HS2ST1: variants seen among roughly 807,000 people sequenced by gnomAD.
HS2ST1 encodes the protein heparan sulfate 2-O-sulfotransferase 1, also known as 2-O-sulfotransferase.
A neutral mutation model predicts 42.9 loss-of-function variants in HS2ST1; 18 were observed. That is an observed-to-expected ratio of 0.42 (90% CI 0.29 to 0.62). The LOEUF (loss-of-function observed/expected upper bound fraction) is 0.62, where lower values mean the gene tolerates loss of function less well. Among genes scored for constraint, HS2ST1 ranks in the 20% least tolerant of loss-of-function variants. The pLI, the probability that HS2ST1 is intolerant of heterozygous loss-of-function variation, is 0.21. For synonymous variants in HS2ST1, 146 were observed against 152.9 expected (o/e 0.95, Z 0.33); for missense variants, 334 against 433.8 (o/e 0.77, Z 2.04).
chr1:86,939,839 A>G (rs775714143), intron 1 of HS2ST1, among the ~76,000 whole-genome samples: 2 of 152,230 alleles, frequency 1.3e-5, no homozygotes, highest in Non-Finnish European at 2.9e-5. Context: ...TACTACACAT[A>G]TTTTGAGAGG....
intron 1 of HS2ST1, among the ~76,000 whole-genome samples, chr1:86,970,874 T>C (rs568430991): frequency 6.6e-6 from 1 of 152,250 alleles, no homozygotes; most frequent in South Asian, 2.1e-4. Context: ...CCATTTGATA[T>C]GACAAATAAT....
chr1:86,984,391 G>T (rs962240438), intron 1 of HS2ST1, among the ~76,000 whole-genome samples: 1 of 152,120 alleles, frequency 6.6e-6, no homozygotes. Flanking sequence ...TGGTTTCCTC[G>T]ACGCTTTCTA....
chr1:86,977,572 T>G (rs145691391), intron 1 of HS2ST1, among the ~76,000 whole-genome samples: 340 of 152,372 alleles, frequency 2.2e-3, no homozygotes, highest in Non-Finnish European at 4.0e-3. Flanking sequence ...TCTGAGCATA[T>G]GGAAGACCAT....
intron 1 of HS2ST1, among the ~76,000 whole-genome samples, chr1:87,022,714 G>A (rs923680038): frequency 1.3e-5 from 2 of 152,166 alleles, no homozygotes; most frequent in African/African-American, 2.4e-5. Context: ...TGTTTTCATA[G>A]TTATGGGAAA....
chr1:87,096,312 C>G (rs1446673924), intron 4 of HS2ST1, among the ~76,000 whole-genome samples: 4 of 152,004 alleles, frequency 2.6e-5, no homozygotes, highest in Non-Finnish European at 4.4e-5. Flanking sequence ...ATCTTTTAAC[C>G]AAGCATAATT....
intron 1 of HS2ST1, among the ~76,000 whole-genome samples, chr1:87,021,154 A>T (rs545504636): frequency 3.1e-4 from 47 of 152,122 alleles, no homozygotes; most frequent in African/African-American, 1.1e-3. Flanking sequence ...CATTACATAT[A>T]AAAAAAATTA....
intron 1 of HS2ST1, among the ~76,000 whole-genome samples, chr1:86,938,813 A>T (rs1660706910): frequency 6.6e-6 from 1 of 152,182 alleles, no homozygotes; most frequent in African/African-American, 2.4e-5. Flanking sequence ...TGTTGGATGG[A>T]TTAATTGATT....
intron 5 of HS2ST1, among the ~76,000 whole-genome samples, chr1:87,099,074 A>T (rs1199679): frequency 0.7 from 105,816 of 152,114 alleles, 39,063 homozygotes; most frequent in East Asian, 0.97. Context: ...CACCGTGCCC[A>T]GCTGTGTCAC....
chr1:86,999,702 A>G (rs1171023683), intron 1 of HS2ST1, among the ~76,000 whole-genome samples: 1 of 149,862 alleles, frequency 6.7e-6, no homozygotes, highest in Non-Finnish European at 1.5e-5. Context: ...TTCCCCCCCA[A>G]CTTACTTTTG....
intron 4 of HS2ST1, among the ~76,000 whole-genome samples, chr1:87,096,691 C>G (rs1652075932): frequency 6.6e-6 from 1 of 152,210 alleles, no homozygotes; most frequent in African/African-American, 2.4e-5. Flanking sequence ...CATACCTCAG[C>G]TGTGAGAACG....
chr1:87,074,566 A>G (rs1240228153), intron 2 of HS2ST1, among the ~76,000 whole-genome samples: 2 of 152,338 alleles, frequency 1.3e-5, no homozygotes, highest in East Asian at 3.9e-4. Flanking sequence ...TTCATGAAAT[A>G]TAAATCTGGA....
chr1:86,924,253 C>G (rs1475005123), intron 1 of HS2ST1, among the ~76,000 whole-genome samples: 2 of 152,208 alleles, frequency 1.3e-5, no homozygotes, highest in Non-Finnish European at 2.9e-5. Flanking sequence ...CAGCTCCACC[C>G]CTTTGGCTTT....
intron 1 of HS2ST1, among the ~76,000 whole-genome samples, chr1:86,987,689 G>T (rs982802768): frequency 6.6e-6 from 1 of 152,130 alleles, no homozygotes; most frequent in Admixed American, 6.5e-5. Context: ...TTACCTTTCT[G>T]ATCTTATCTC....
intron 1 of HS2ST1, among the ~76,000 whole-genome samples, chr1:86,994,177 T>C (rs1186209666): frequency 6.6e-6 from 1 of 152,246 alleles, no homozygotes; most frequent in African/African-American, 2.4e-5. Context: ...TCACATTTGC[T>C]AAATCACACT....
In HS2ST1 at chr1:86,978,674, C is replaced by T. The variant is rs369688454; in HGVS notation, c.124+63514C>T. Among the ~76,000 whole-genome samples the T allele has an allele frequency of 6.6e-5, 10 of 152,060 alleles. No individual in the cohort carries two copies. In the East Asian group the frequency reaches 1.4e-3, roughly 21 times the overall value. On this transcript the variant is annotated intron_variant, in intron 1 of 6. Transcript: ENST00000370550. The stretch of plus-strand genomic sequence containing the variant: ...ATCTGAACATTGAGAATATATAGTT[C>T]ATAATTACATTCCAACTGAATAATT...
At chr1:87,009,085 C>T (rs993323156) in intron 1 of HS2ST1, among the ~76,000 whole-genome samples, 7 of 152,192 alleles carry the variant, frequency 4.6e-5, no homozygotes, top group Admixed American at 2.6e-4. Context: ...CTCAAGCGAT[C>T]GCCCACCTCG....
chr1:87,046,520 A>G (rs1650670537), intron 1 of HS2ST1: 1 of 1,507,794 alleles, frequency 6.6e-7, no homozygotes, highest in Admixed American at 1.7e-5. Context: ...ACTTTTTACC[A>G]AGCTTTTTAA....
At chr1:86,957,656 T>G (rs1405763623) in intron 1 of HS2ST1, among the ~76,000 whole-genome samples, 1 of 152,068 alleles carries the variant, frequency 6.6e-6, no homozygotes, top group Non-Finnish European at 1.5e-5. Flanking sequence ...GTTACTTCAT[T>G]TGAGCTCACT....
intron 1 of HS2ST1, among the ~76,000 whole-genome samples, chr1:86,970,408 A>AT (rs529546146): frequency 1.7e-4 from 25 of 150,466 alleles, no homozygotes; most frequent in South Asian, 1.5e-3. Context: ...TTAATTTATA[A>AT]TTTTTTTTTT....
Sources: gnomAD v4.1 joint callset for allele counts (sites outside exome capture counted in the v4.1 genomes callset) on GRCh38, gnomAD v4.1.1 for gene constraint, MANE v1.5 for transcripts, NCBI Gene and HGNC (gene_info 2026-07-23, HGNC 2026-07-21) for gene names.